Variants in SNTG1 observed in about 807,000 individuals in gnomAD.
SNTG1 encodes the protein syntrophin gamma 1.
In SNTG1, 39 loss-of-function variants were observed where a neutral mutation model predicts 74.7. The observed-to-expected ratio is 0.52, with a 90% confidence interval of 0.40 to 0.68. SNTG1 has a LOEUF of 0.68. SNTG1 is among the 30% of genes least tolerant of loss of function. SNTG1 has a pLI of 0.00. For missense variants in SNTG1, 685 were observed against 609.5 expected (o/e 1.12, Z -1.30); for synonymous variants, 254 against 217.1 (o/e 1.17, Z -1.49).
chr8:50,484,094 TTCTTTCTC>T (rs1162954744), intron 8 of SNTG1, among the ~76,000 whole-genome samples: 5 of 146,444 alleles, frequency 3.4e-5, no homozygotes, highest in Admixed American at 7.0e-5. Flanking sequence ...CTTTCTCTCT[TTCTTTCTC>T]TCTTTCTTTC....
At chr8:50,284,392 G>C (rs2088644947) in intron 2 of SNTG1, among the ~76,000 whole-genome samples, 1 of 152,076 alleles carries the variant, frequency 6.6e-6, no homozygotes, top group Non-Finnish European at 1.5e-5. Flanking sequence ...GACATACCCT[G>C]AACATGCCCC....
At chr8:50,182,898 G>A (rs1022529100) in intron 2 of SNTG1, among the ~76,000 whole-genome samples, 2 of 151,996 alleles carry the variant, frequency 1.3e-5, no homozygotes, top group African/African-American at 4.8e-5. Context: ...TGTCCATGAG[G>A]CAAATCTCTG....
intron 11 of SNTG1, among the ~76,000 whole-genome samples, chr8:50,542,503 T>C (rs552802616): frequency 1.3e-5 from 2 of 152,168 alleles, no homozygotes; most frequent in Non-Finnish European, 2.9e-5. Context: ...TGATAGACAC[T>C]TAGGTTGATT....
chr8:50,636,042 C>A (rs903567686), intron 13 of SNTG1, among the ~76,000 whole-genome samples: 7 of 151,742 alleles, frequency 4.6e-5, no homozygotes, highest in African/African-American at 1.7e-4. Context: ...TTTAATGCAG[C>A]AGGTTCTCTT....
At chr8:50,452,347 C>A (rs2093465291) in intron 8 of SNTG1, among the ~76,000 whole-genome samples, 1 of 152,206 alleles carries the variant, frequency 6.6e-6, no homozygotes, top group Non-Finnish European at 1.5e-5. Flanking sequence ...CAGCACAGAG[C>A]CTTCTATCTT....
chr8:50,792,156 T>C (rs974871411), intron 18 of SNTG1, among the ~76,000 whole-genome samples: 1 of 151,754 alleles, frequency 6.6e-6, no homozygotes, highest in Non-Finnish European at 1.5e-5. Flanking sequence ...GCAGGAATTA[T>C]TTTTTGAAAG....
At chr8:50,065,093 C>T (rs992977425) in intron 1 of SNTG1, among the ~76,000 whole-genome samples, 15 of 151,996 alleles carry the variant, frequency 9.9e-5, no homozygotes, top group Non-Finnish European at 2.2e-4. Flanking sequence ...GAGAGAATTC[C>T]ATAAGATTTA....
At chr8:49,914,608 T>C (rs1180911699) in intron 1 of SNTG1, among the ~76,000 whole-genome samples, 2 of 152,220 alleles carry the variant, frequency 1.3e-5, no homozygotes, top group East Asian at 1.9e-4. Context: ...TATTCTAATG[T>C]AATTATTCAT....
intron 2 of SNTG1, among the ~76,000 whole-genome samples, chr8:50,374,730 A>AT (rs1275886060): frequency 2.6e-5 from 4 of 152,182 alleles, no homozygotes; most frequent in African/African-American, 9.7e-5. Flanking sequence ...ACTGCTCAGC[A>AT]TTTATGTGTT....
intron 2 of SNTG1, among the ~76,000 whole-genome samples, chr8:50,180,764 T>G (rs1299963507): frequency 7.0e-6 from 1 of 143,488 alleles, no homozygotes; most frequent in African/African-American, 2.6e-5. Flanking sequence ...TTTTTTTTTT[T>G]TTTTTTTTTT....
intron 2 of SNTG1, among the ~76,000 whole-genome samples, chr8:50,177,074 A>T (rs2083025753): frequency 6.6e-6 from 1 of 152,192 alleles, no homozygotes. Context: ...GTCACAAGAA[A>T]ATCTTTAGGT....
chr8:50,199,917 G>A (rs897685398), intron 2 of SNTG1, among the ~76,000 whole-genome samples: 32 of 152,270 alleles, frequency 2.1e-4, no homozygotes, highest in African/African-American at 7.7e-4. Context: ...CTGTATTGTG[G>A]GTGTGGATTT....
At chr8:50,404,034 T>C (rs1407903567) in intron 4 of SNTG1, among the ~76,000 whole-genome samples, 1 of 152,124 alleles carries the variant, frequency 6.6e-6, no homozygotes, top group African/African-American at 2.4e-5. Flanking sequence ...ATGATATGCA[T>C]AGAAAACCTT....
At chr8:50,063,487 G>A (rs1820647414) in intron 1 of SNTG1, among the ~76,000 whole-genome samples, 1 of 152,206 alleles carries the variant, frequency 6.6e-6, no homozygotes, top group African/African-American at 2.4e-5. Flanking sequence ...AGCATTGCCA[G>A]TAGGATCAGG....
chr8:50,669,040 G>A (rs1334244154), intron 15 of SNTG1, among the ~76,000 whole-genome samples: 1 of 152,038 alleles, frequency 6.6e-6, no homozygotes, highest in Non-Finnish European at 1.5e-5. Context: ...TCAAAGCAGA[G>A]TGTAGAGGAA....
intron 1 of SNTG1, among the ~76,000 whole-genome samples, chr8:50,115,576 A>AAAAAC (rs2080785978): frequency 1.2e-5 from 1 of 82,800 alleles, no homozygotes; most frequent in Non-Finnish European, 2.7e-5. Flanking sequence ...TCAAAAAAAA[A>AAAAAC]AAAAAAAAAA....
chr8:50,175,062 A>G (rs1586588772), intron 2 of SNTG1, among the ~76,000 whole-genome samples: 1 of 151,964 alleles, frequency 6.6e-6, no homozygotes, highest in Admixed American at 6.6e-5. Context: ...TTATGGCTGC[A>G]TAGTATTCCA....
At chr8:50,703,350 CAG>C (rs35969453) in intron 15 of SNTG1, among the ~76,000 whole-genome samples, 31,272 of 151,626 alleles carry the variant, frequency 0.21, 3,302 homozygotes, top group South Asian at 0.31. Flanking sequence ...AAAAATAAGA[CAG>C]AAACACACAC....
chr8:50,497,911 A>T (rs1585468325), intron 8 of SNTG1, among the ~76,000 whole-genome samples: 1 of 151,990 alleles, frequency 6.6e-6, no homozygotes, highest in East Asian at 1.9e-4. Flanking sequence ...TTTTATATTT[A>T]TTCACCTGGT....
Sources: allele counts gnomAD v4.1 joint callset (sites outside exome capture counted in the v4.1 genomes callset), GRCh38; gene constraint gnomAD v4.1.1; transcripts MANE v1.5; gene names NCBI Gene and HGNC (gene_info 2026-07-23, HGNC 2026-07-21).